SYT1: variants seen among roughly 807,000 people sequenced by gnomAD.
The protein encoded by SYT1 is synaptotagmin-1.
Under a neutral mutation model 44.8 loss-of-function variants are expected in SYT1, and 8 were observed. The ratio of observed to expected loss-of-function variants is 0.18; its 90% CI spans 0.10 to 0.32. The LOEUF (loss-of-function observed/expected upper bound fraction) is 0.32. SYT1 is among the 10% of genes least tolerant of loss of function. The pLI is 1.00. For missense variants in SYT1, 286 were observed against 509.3 expected (o/e 0.56, Z 4.22); for synonymous variants, 154 against 188.8 (o/e 0.82, Z 1.51).
intron 8 of SYT1, among the ~76,000 whole-genome samples, chr12:79,316,169 A>G (rs986709239): frequency 2.6e-5 from 4 of 152,136 alleles, no homozygotes; most frequent in African/African-American, 7.2e-5. Flanking sequence ...CCTCTTTCCA[A>G]TGTGTCTTAG....
intron 3 of SYT1, among the ~76,000 whole-genome samples, chr12:79,179,009 T>TATATAG (rs1221772899): frequency 3.1e-5 from 1 of 32,314 alleles, no homozygotes; most frequent in African/African-American, 1.8e-4. Context: ...TAGATATAGA[T>TATATAG]ATATAGATAT....
chr12:78,895,400 C>G (rs1024280818), intron 1 of SYT1, among the ~76,000 whole-genome samples: 1 of 151,596 alleles, frequency 6.6e-6, no homozygotes, highest in Non-Finnish European at 1.5e-5. Flanking sequence ...TTACTGAAGA[C>G]TAAGCATTTG....
At chr12:79,178,545 G>GT in intron 3 of SYT1, among the ~76,000 whole-genome samples, 1 of 151,564 alleles carries the variant, frequency 6.6e-6, no homozygotes, top group East Asian at 2.0e-4. Flanking sequence ...TTTGTTTTTT[G>GT]TTTTTTTCCT....
chr12:79,374,713 A>C (rs1317084492), intron 9 of SYT1, among the ~76,000 whole-genome samples: 28 of 152,184 alleles, frequency 1.8e-4, no homozygotes, highest in Admixed American at 1.8e-3. Context: ...CCTGTGGACA[A>C]AAGTATGGAA....
chr12:79,223,889 C>T (rs1875325406), intron 4 of SYT1, among the ~76,000 whole-genome samples: 3 of 152,168 alleles, frequency 2.0e-5, no homozygotes, highest in Non-Finnish European at 2.9e-5. Flanking sequence ...AAGTCCTGTG[C>T]TCGCTTCCCT....
At chr12:78,870,511 C>T (rs1221951203) in intron 1 of SYT1, among the ~76,000 whole-genome samples, 1 of 152,054 alleles carries the variant, frequency 6.6e-6, no homozygotes, top group African/African-American at 2.4e-5. Context: ...ATAAAATGCA[C>T]ATATGCACTC....
chr12:79,299,686 C>A, intron 8 of SYT1, 135 bp downstream of exon 8: 1 of 1,057,914 alleles, frequency 9.5e-7, no homozygotes, highest in Non-Finnish European at 1.3e-6. Context: ...AAAATAGGGT[C>A]AAGGGCACTG....
At chr12:79,380,710 G>A (rs1441488179) in intron 9 of SYT1, among the ~76,000 whole-genome samples, 1 of 152,168 alleles carries the variant, frequency 6.6e-6, no homozygotes, top group Non-Finnish European at 1.5e-5. Flanking sequence ...CCCTAAAAGT[G>A]AAGAGGGCTT....
chr12:79,405,415 C>G (rs2136122616), intron 9 of SYT1, among the ~76,000 whole-genome samples: 1 of 152,192 alleles, frequency 6.6e-6, no homozygotes, highest in African/African-American at 2.4e-5. Flanking sequence ...ATTAATTTAT[C>G]TAGAATTTTA....
chr12:78,908,631 A>G (rs1876131490), intron 1 of SYT1, among the ~76,000 whole-genome samples: 1 of 151,858 alleles, frequency 6.6e-6, no homozygotes, highest in East Asian at 1.9e-4. Flanking sequence ...TGGTTTTCCC[A>G]TGTTCCAGTG....
chr12:79,193,736 A>C (rs1873270355), intron 3 of SYT1, among the ~76,000 whole-genome samples: 1 of 152,130 alleles, frequency 6.6e-6, no homozygotes, highest in Admixed American at 6.6e-5. Flanking sequence ...AGATCCATCA[A>C]GTCAGCATGG....
intron 3 of SYT1, among the ~76,000 whole-genome samples, chr12:79,048,109 A>G (rs1224546350): frequency 2.0e-5 from 3 of 151,904 alleles, no homozygotes; most frequent in Non-Finnish European, 4.4e-5. Context: ...TATCACATTT[A>G]ATATTTTTGA....
chr12:79,009,642 G>A (rs1871299638), intron 2 of SYT1, among the ~76,000 whole-genome samples: 1 of 152,078 alleles, frequency 6.6e-6, no homozygotes, highest in Admixed American at 6.6e-5. Context: ...GTTAAACATT[G>A]TGCCAATATC....
chr12:79,147,299 C>T (rs1869980326), intron 3 of SYT1, among the ~76,000 whole-genome samples: 1 of 152,118 alleles, frequency 6.6e-6, no homozygotes, highest in Admixed American at 6.5e-5. Flanking sequence ...TAGCTATTAT[C>T]TCCTTTATTT....
intron 3 of SYT1, among the ~76,000 whole-genome samples, chr12:79,201,326 A>T (rs1046494882): frequency 6.6e-6 from 1 of 152,196 alleles, no homozygotes; most frequent in Non-Finnish European, 1.5e-5. Flanking sequence ...TTTTATTTAA[A>T]AGTTGATAAA....
chr12:79,222,527 G>A (rs573776031), intron 4 of SYT1, among the ~76,000 whole-genome samples: 2 of 152,056 alleles, frequency 1.3e-5, no homozygotes, highest in East Asian at 3.9e-4. Context: ...GATTACAGGT[G>A]TCCACCACCA....
intron 4 of SYT1, among the ~76,000 whole-genome samples, chr12:79,282,633 AC>A (rs1248259281): frequency 2.0e-5 from 3 of 151,920 alleles, no homozygotes; most frequent in Non-Finnish European, 4.4e-5. Context: ...TATTTGCTTC[AC>A]TGAATTATTT....
chr12:79,083,027 A>G (rs1565798025), intron 3 of SYT1, among the ~76,000 whole-genome samples: 2 of 152,118 alleles, frequency 1.3e-5, no homozygotes, highest in Non-Finnish European at 1.5e-5. Context: ...GACACAAATG[A>G]AAAAAAAGGT....
At chr12:79,433,974 A>G (rs1170579477) in intron 9 of SYT1, among the ~76,000 whole-genome samples, 1 of 152,186 alleles carries the variant, frequency 6.6e-6, no homozygotes, top group African/African-American at 2.4e-5. Context: ...ATGCATCCCT[A>G]CATTTTTAGT....
Sources: allele counts gnomAD v4.1 joint callset (sites outside exome capture counted in the v4.1 genomes callset), GRCh38; gene constraint gnomAD v4.1.1; transcripts MANE v1.5; gene names NCBI Gene and HGNC (gene_info 2026-07-23, HGNC 2026-07-21).